The following RNF38 variants were observed in gnomAD, a reference collection of about 807,000 sequenced individuals.
RNF38 encodes the protein ring finger protein 38, also known as E3 ubiquitin-protein ligase RNF38.
RNF38 carries 15 observed loss-of-function variants against 67.2 expected under a neutral mutation model. The ratio of observed to expected loss-of-function variants is 0.22; its 90% CI spans 0.15 to 0.34. The LOEUF (loss-of-function observed/expected upper bound fraction) is 0.34, where lower values mean the gene tolerates loss of function less well. Ranked by LOEUF, RNF38 falls within the 10% of genes least tolerant of loss-of-function variation. RNF38 has a pLI of 1.00. For synonymous variants in RNF38, 220 were observed against 218.8 expected (o/e 1.01, Z -0.05); for missense variants, 524 against 639.9 (o/e 0.82, Z 1.95).
intron 1 of RNF38, among the ~76,000 whole-genome samples, chr9:36,450,189 AT>A (rs1839403743): frequency 6.6e-6 from 1 of 150,940 alleles, no homozygotes; most frequent in Non-Finnish European, 1.5e-5. Flanking sequence ...TCATCACTCT[AT>A]TTCCAAAACT....
intron 2 of RNF38, among the ~76,000 whole-genome samples, chr9:36,388,216 G>A (rs1246577124): frequency 6.6e-6 from 1 of 152,012 alleles, no homozygotes; most frequent in African/African-American, 2.4e-5. Flanking sequence ...CTTCAAAAGT[G>A]TTGGTAATGG....
At chr9:36,456,460 T>A (rs1365129180) in intron 1 of RNF38, among the ~76,000 whole-genome samples, 1 of 150,686 alleles carries the variant, frequency 6.6e-6, no homozygotes, top group Admixed American at 6.6e-5. Flanking sequence ...ATTTTAAACT[T>A]TTCATGACAC....
rs185520871 is a variant in RNF38 at position 36,388,666 on chromosome 9, C to T, written c.162+1801G>A. Among the ~76,000 whole-genome samples, 34 of 152,184 alleles carry T rather than the reference C, an allele frequency of 2.2e-4. No individual in the cohort carries two copies. The East Asian group carries it at 6.4e-3, about 29-fold the overall frequency. On this transcript the variant is annotated intron_variant, in intron 2 of 11. Transcript: ENST00000259605. ...GGAAATCAATCAATTAACTTCTTTA[C>T]TCCTAGAGAAGGTTGATGTCCTCAG...
chr9:36,379,746 C>T (rs984745827), intron 2 of RNF38, among the ~76,000 whole-genome samples: 5 of 151,906 alleles, frequency 3.3e-5, no homozygotes, highest in South Asian at 2.1e-4. Context: ...CAGAGGGCTC[C>T]GAGAAAAATG....
chr9:36,371,712 A>G (rs1835390985), intron 3 of RNF38, among the ~76,000 whole-genome samples: 1 of 151,966 alleles, frequency 6.6e-6, no homozygotes, highest in African/African-American at 2.4e-5. Context: ...TCAGCCTCCC[A>G]GAGTACTGGG....
intron 1 of RNF38, among the ~76,000 whole-genome samples, chr9:36,454,580 C>CTT (rs377679133): frequency 0.098 from 10,965 of 112,390 alleles, 1,173 homozygotes; most frequent in South Asian, 0.23. Context: ...CATTAATTTA[C>CTT]TTTTTTTTTT....
At chr9:36,351,947 G>A (rs1278500832) in intron 8 of RNF38, among the ~76,000 whole-genome samples, 1 of 152,158 alleles carries the variant, frequency 6.6e-6, no homozygotes, top group Admixed American at 6.5e-5. Flanking sequence ...CATAGTCACA[G>A]GGCTAACGAA....
intron 1 of RNF38, among the ~76,000 whole-genome samples, chr9:36,481,219 T>C (rs1840254276): frequency 6.6e-6 from 1 of 152,014 alleles, no homozygotes; most frequent in Non-Finnish European, 1.5e-5. Context: ...TTCACCATGT[T>C]GGTCAGGCTG....
chr9:36,468,087 G>A (rs756240950), intron 1 of RNF38, among the ~76,000 whole-genome samples: 2 of 152,068 alleles, frequency 1.3e-5, no homozygotes, highest in Non-Finnish European at 2.9e-5. Context: ...TACAAAAAAT[G>A]TTTAGAAACT....
intron 1 of RNF38, among the ~76,000 whole-genome samples, chr9:36,453,532 G>A (rs1333939704): frequency 2.6e-5 from 4 of 151,968 alleles, no homozygotes; most frequent in Non-Finnish European, 5.9e-5. Flanking sequence ...ACAGGCGCAC[G>A]CTGCCACGAC....
intron 1 of RNF38, among the ~76,000 whole-genome samples, chr9:36,472,300 C>T (rs2134417109): frequency 6.6e-6 from 1 of 152,308 alleles, no homozygotes; most frequent in African/African-American, 2.4e-5. Flanking sequence ...ATGTCTTCCT[C>T]CTATGAATTC....
intron 2 of RNF38, among the ~76,000 whole-genome samples, chr9:36,416,816 C>T (rs1204058170): frequency 7.0e-6 from 1 of 142,598 alleles, no homozygotes; most frequent in African/African-American, 2.6e-5. Context: ...GCAGCGGCAC[C>T]ATCTCAGCTC....
At position 36,390,460 on chromosome 9, in the gene RNF38, T is replaced by A. The variant is rs1243069733; in HGVS notation, c.162+7A>T. ...CCTATGTAGGGAAAGGGTAAATATA[T>A]AAGAACCTGGAAGAAAGCTTTGAAG... On this transcript the variant is annotated splice_region_variant and intron_variant, in intron 2 of 11. Coordinates refer to ENST00000259605, the MANE Select transcript of RNF38 (RefSeq NM_022781.5). 1.9e-6 allele frequency: 3 copies of A among 1,610,962 alleles called. No homozygotes were observed. In the African/African-American group the frequency reaches 4.0e-5, roughly 22 times the overall value.
At chr9:36,423,742 A>G (rs1361678914) in intron 2 of RNF38, among the ~76,000 whole-genome samples, 5 of 28,118 alleles carry the variant, frequency 1.8e-4, no homozygotes, top group Admixed American at 7.2e-4. Flanking sequence ...GAGGTCAGGA[A>G]ATCGAGACCA....
intron 1 of RNF38, among the ~76,000 whole-genome samples, chr9:36,394,794 TAGTA>T (rs1372229284): frequency 3.3e-5 from 5 of 152,352 alleles, no homozygotes; most frequent in South Asian, 2.1e-4. Context: ...CTAGTTTGAT[TAGTA>T]AGTATCAACT....
rs1170267298 is a variant in RNF38, at chr9:36,369,744, G to A, written c.545C>T (p.Ala182Val). Residue 182 changes from alanine to valine, a missense_variant, in exon 4 of 12, where the codon GCA (alanine) becomes GTA (valine). This residue lies in a region of RNF38 where 461 missense variants were observed against 517.4 expected (regional missense o/e 0.89). Transcript: ENST00000259605. Reference sequence around the variant, plus strand: ...CTGATCATGTATGTCAACCATGACTGCATTCTGCTGGGGTGGATGAGCAGC... The same window carrying A: ...CTGATCATGTATGTCAACCATGACTACATTCTGCTGGGGTGGATGAGCAGC... The part of the protein sequence containing the change: ...HPAAHPPQQN[A>V]VMVDIHDQLH... 6.2e-7 allele frequency: 1 copy of A among 1,613,464 alleles called. No homozygotes were observed. The highest frequency in any genetic ancestry group is 8.5e-7 in the Non-Finnish European group (1 of 1,179,752).
chr9:36,473,754 A>G (rs1840052669), intron 1 of RNF38, among the ~76,000 whole-genome samples: 1 of 151,764 alleles, frequency 6.6e-6, no homozygotes, highest in Admixed American at 6.6e-5. Context: ...TGGGAGGCTG[A>G]GGCAGGTGGA....
At chr9:36,375,771 C>A (rs1427996880) in intron 3 of RNF38, among the ~76,000 whole-genome samples, 163 bp downstream of exon 3, 1 of 152,174 alleles carries the variant, frequency 6.6e-6, no homozygotes, top group Non-Finnish European at 1.5e-5. Flanking sequence ...ACTCTTCTAA[C>A]CTACTGGAAA....
At chr9:36,438,308 T>C (rs769603401) in intron 1 of RNF38, among the ~76,000 whole-genome samples, 2 of 152,036 alleles carry the variant, frequency 1.3e-5, no homozygotes, top group Non-Finnish European at 2.9e-5. Context: ...ATACTCTAAA[T>C]AAGCTTGTCC....
Sources: gnomAD v4.1 joint callset for allele counts (sites outside exome capture counted in the v4.1 genomes callset) on GRCh38, gnomAD v4.1.1 for gene constraint, gnomAD v4.1.1 regional missense constraint, MANE v1.5 for transcripts, NCBI Gene and HGNC (gene_info 2026-07-23, HGNC 2026-07-21) for gene names.